The following BLK variants were observed in gnomAD, a reference collection of about 807,000 sequenced individuals.
The protein encoded by BLK is BLK proto-oncogene, Src family tyrosine kinase, also known as tyrosine-protein kinase Blk.
A neutral mutation model predicts 61.8 loss-of-function variants in BLK; 64 were observed. The observed-to-expected ratio is 1.03, with a 90% CI of 0.85 to 1.27. The LOEUF (loss-of-function observed/expected upper bound fraction) is 1.27, where lower values mean the gene tolerates loss of function less well. BLK is among the 50% of genes most tolerant of loss of function. The probability of loss-of-function intolerance (pLI) is 0.00; values close to 1 mark genes in which losing one functional copy is unlikely to be tolerated. For synonymous variants in BLK, 351 were observed against 272.0 expected, an observed-to-expected ratio of 1.29 and a Z score of -2.86; for missense variants, 853 against 660.5, an observed-to-expected ratio of 1.29 and a Z score of -3.19.
At chr8:11,549,613 G>T (rs1444321594) in intron 5 of BLK, among the ~76,000 whole-genome samples, 2 of 152,176 alleles carry the variant, frequency 1.3e-5, no homozygotes, top group Non-Finnish European at 2.9e-5. Flanking sequence ...GAGCCCCCAC[G>T]AATCTGCTCA....
intron 1 of BLK, among the ~76,000 whole-genome samples, chr8:11,519,594 C>A (rs1384803954): frequency 6.6e-6 from 1 of 152,158 alleles, no homozygotes; most frequent in South Asian, 2.1e-4. Context: ...ACAGTTCATG[C>A]TTATTTAGAG....
chr8:11,500,101 T>C (rs1221399968), intron 1 of BLK, among the ~76,000 whole-genome samples: 1 of 152,206 alleles, frequency 6.6e-6, no homozygotes, highest in Non-Finnish European at 1.5e-5. Context: ...GGAGCCAACC[T>C]GCAGTCAAAT....
At chr8:11,545,183 T>G (rs1300396739) in intron 2 of BLK, among the ~76,000 whole-genome samples, 1 of 152,252 alleles carries the variant, frequency 6.6e-6, no homozygotes, top group African/African-American at 2.4e-5. Flanking sequence ...TGTTGCTCAT[T>G]AATTTTATTG....
chr8:11,554,816 G>A lies in BLK; in HGVS notation c.546G>A (p.Leu182=). 1 of 1,614,092 alleles carries A rather than the reference G, an allele frequency of 6.2e-7. No homozygotes were observed. The highest frequency in any genetic ancestry group is 8.5e-7 in the Non-Finnish European group (1 of 1,180,010). The change falls in exon 7 of 13, where the codon CTG becomes CTA. Residue 182 remains leucine, a synonymous_variant. Transcript: ENST00000259089. ...TCAAGCACTATAAGATCCGCTGCCT[G>A]GATGAAGGGGGCTACTACATCTCCC... The part of the protein sequence containing the change: ...ELIKHYKIRC[L]DEGGYYISPR...
At chr8:11,510,526 G>C (rs144135434) in intron 1 of BLK, among the ~76,000 whole-genome samples, 26 of 152,266 alleles carry the variant, frequency 1.7e-4, no homozygotes, top group Middle Eastern at 3.4e-3. Context: ...TTTGTGATAA[G>C]TGTATTTTAT....
chr8:11,549,003 T>A (rs373776082), intron 4 of BLK, 21 bp from the exon 5 acceptor site: 1 of 1,591,628 alleles, frequency 6.3e-7, no homozygotes, highest in South Asian at 1.1e-5. Flanking sequence ...ATCTCATCTC[T>A]GTTTCCCCTG....
At chr8:11,505,673 A>T (rs1414987735) in intron 1 of BLK, among the ~76,000 whole-genome samples, 2 of 152,100 alleles carry the variant, frequency 1.3e-5, no homozygotes, top group Admixed American at 6.5e-5. Flanking sequence ...AGGTCTTTCT[A>T]AAACTCAAAT....
rs1446763765 is a variant in BLK, at chr8:11,550,126, C to T, written c.369-33C>T. On this transcript the variant is annotated intron_variant, in intron 5 of 12. Transcript: ENST00000259089. ...GGGAATACTCCGAGGAGCAGGGTCGCTCTGAGTTTCACCTGTTCCTGCCGT... is the reference window on the plus strand; with the variant it reads ...GGGAATACTCCGAGGAGCAGGGTCGTTCTGAGTTTCACCTGTTCCTGCCGT... The T allele has an allele frequency of 2.5e-6, 4 of 1,594,332 alleles. No homozygotes were observed. In the South Asian group the frequency reaches 4.4e-5, roughly 18 times the overall value.
chr8:11,528,653 G>C (rs1036225189), intron 1 of BLK, among the ~76,000 whole-genome samples: 1 of 152,220 alleles, frequency 6.6e-6, no homozygotes, highest in African/African-American at 2.4e-5. Flanking sequence ...GAAGTGTCTT[G>C]CAGTTGCCTG....
intron 1 of BLK, among the ~76,000 whole-genome samples, chr8:11,539,513 T>A (rs1800279441): frequency 6.6e-6 from 1 of 152,358 alleles, no homozygotes; most frequent in African/African-American, 2.4e-5. Flanking sequence ...CTCACATGTG[T>A]CTATATAATG....
chr8:11,498,364 G>C (rs779840952), intron 1 of BLK, among the ~76,000 whole-genome samples: 1 of 152,214 alleles, frequency 6.6e-6, no homozygotes, highest in Non-Finnish European at 1.5e-5. Context: ...GAGTTTCCTG[G>C]TGCTCTGAGC....
chr8:11,542,278 G>A (rs576291583), intron 1 of BLK, among the ~76,000 whole-genome samples: 1 of 152,324 alleles, frequency 6.6e-6, no homozygotes, highest in South Asian at 2.1e-4. Context: ...ATATTGAAAA[G>A]TGAAAAAAGG....
intron 1 of BLK, among the ~76,000 whole-genome samples, chr8:11,540,361 T>G (rs569178208): frequency 6.6e-6 from 1 of 152,348 alleles, no homozygotes; most frequent in East Asian, 1.9e-4. Flanking sequence ...TCTGTTTGTA[T>G]GTTTTTTATT....
intron 8 of BLK, chr8:11,555,795 C>G: frequency 2.3e-6 from 1 of 436,594 alleles, no homozygotes; most frequent in Non-Finnish European, 4.3e-6. Flanking sequence ...CGCGTTAACT[C>G]CCCTTAGCTT....
At chr8:11,548,203 C>T (rs1230125803) in intron 4 of BLK, 78 bp downstream of exon 4, 1 of 1,256,652 alleles carries the variant, frequency 8.0e-7, no homozygotes. Context: ...CCCACCACAT[C>T]CTCCATGGCT....
chr8:11,545,152 A>G (rs1455772818), intron 2 of BLK, among the ~76,000 whole-genome samples: 1 of 152,258 alleles, frequency 6.6e-6, no homozygotes, highest in East Asian at 1.9e-4. Flanking sequence ...TGTGAAACAT[A>G]TCGACGTTGA....
At chr8:11,499,549 G>T (rs1029897424) in intron 1 of BLK, among the ~76,000 whole-genome samples, 2 of 152,140 alleles carry the variant, frequency 1.3e-5, no homozygotes, top group Non-Finnish European at 2.9e-5. Flanking sequence ...TGTGCTGAAG[G>T]CTGCATAAGA....
At chr8:11,551,262 C>T (rs1000630856) in intron 6 of BLK, among the ~76,000 whole-genome samples, 1 of 152,218 alleles carries the variant, frequency 6.6e-6, no homozygotes, top group Non-Finnish European at 1.5e-5. Flanking sequence ...CTTATTATCT[C>T]ACAGCTCTGG....
Position 11,546,131 on chromosome 8 carries a change from G to T in BLK, c.175+28G>T, listed in dbSNP as rs752656205. 33 of 1,613,310 alleles carry T rather than the reference G, an allele frequency of 2.0e-5. No homozygotes were observed. The Admixed American group carries it at 4.2e-4, about 20-fold the overall frequency. On this transcript the variant is annotated intron_variant, in intron 3 of 12. Transcript: ENST00000259089. ...AAGAAGGGTGGTTTGGGAAGCTGAGGCTCCACAGCCCTCTCCCCTAGGTGG... is the reference window on the plus strand; with the variant it reads ...AAGAAGGGTGGTTTGGGAAGCTGAGTCTCCACAGCCCTCTCCCCTAGGTGG...
Sources: gnomAD v4.1 joint callset for allele counts (sites outside exome capture counted in the v4.1 genomes callset) on GRCh38, gnomAD v4.1.1 for gene constraint, MANE v1.5 for transcripts, NCBI Gene and HGNC (gene_info 2026-07-23, HGNC 2026-07-21) for gene names.